Variants in LRRC38 observed in about 807,000 individuals in gnomAD.
LRRC38 encodes the protein leucine rich repeat containing 38.
LRRC38 carries 5 observed loss-of-function variants against 16.4 expected under a neutral mutation model. The observed-to-expected ratio is 0.31, with a 90% confidence interval of 0.16 to 0.64. The LOEUF (loss-of-function observed/expected upper bound fraction) is 0.64. Among genes scored for constraint, LRRC38 ranks in the 30% least tolerant of loss-of-function variants. The pLI is 0.80. For synonymous variants in LRRC38, 191 were observed against 190.2 expected (o/e 1.00, Z -0.04); for missense variants, 341 against 401.8 (o/e 0.85, Z 1.29).
At chr1:13,501,459 G>A (rs141452847) in intron 1 of LRRC38, among the ~76,000 whole-genome samples, 3,182 of 144,856 alleles carry the variant, frequency 0.022, 126 homozygotes, top group African/African-American at 0.082. Context: ...CCCAGGCTGG[G>A]GTGCAGTAGA....
intron 1 of LRRC38, among the ~76,000 whole-genome samples, chr1:13,494,222 C>T (rs1027691421): frequency 6.6e-6 from 1 of 152,110 alleles, no homozygotes; most frequent in Non-Finnish European, 1.5e-5. Context: ...GAGCCGAGCC[C>T]GGGAGCCAGG....
At chr1:13,497,107 T>G (rs1011753809) in intron 1 of LRRC38, among the ~76,000 whole-genome samples, 1 of 151,996 alleles carries the variant, frequency 6.6e-6, no homozygotes, top group African/African-American at 2.4e-5. Context: ...AGAAAGGAAC[T>G]AGGAGGAGGA....
intron 1 of LRRC38, among the ~76,000 whole-genome samples, chr1:13,490,657 C>T (rs1193950041): frequency 6.6e-6 from 1 of 151,990 alleles, no homozygotes; most frequent in African/African-American, 2.4e-5. Flanking sequence ...ACTAGGGATA[C>T]TAACCTGTGT....
intron 1 of LRRC38, among the ~76,000 whole-genome samples, chr1:13,484,262 C>T (rs1638905797): frequency 6.6e-6 from 1 of 152,068 alleles, no homozygotes; most frequent in South Asian, 2.1e-4. Flanking sequence ...TCAAAGCAGC[C>T]GCTCTCCCCA....
chr1:13,478,482 C>T (rs577740667), intron 1 of LRRC38, among the ~76,000 whole-genome samples: 18 of 152,310 alleles, frequency 1.2e-4, no homozygotes, highest in African/African-American at 4.3e-4. Context: ...TAACAAGGTG[C>T]CCTTTTCCCA....
At position 13,481,215 on chromosome 1, in the gene LRRC38, G is replaced by A. The variant is rs530845270; in HGVS notation, c.632-5116C>T. Among the ~76,000 whole-genome samples the A allele has an allele frequency of 5.3e-5, 8 of 152,026 alleles. No individual in the cohort carries two copies. The South Asian group carries it at 1.5e-3, about 28-fold the overall frequency. On this transcript the variant is annotated intron_variant, in intron 1 of 1. Coordinates refer to ENST00000376085, the MANE Select transcript of LRRC38 (RefSeq NM_001010847.2). ...CAACCTCTGCTTCCTGGGTTCAAGC[G>A]ATTCTCCTGCCTCAGCCTTCCAAGT...
At chr1:13,486,705 C>A (rs1432857145) in intron 1 of LRRC38, among the ~76,000 whole-genome samples, 1 of 151,952 alleles carries the variant, frequency 6.6e-6, no homozygotes, top group African/African-American at 2.4e-5. Flanking sequence ...ATCTTCCCAC[C>A]TCAGCCTCTC....
intron 1 of LRRC38, among the ~76,000 whole-genome samples, chr1:13,505,695 C>T (rs563908413): frequency 6.6e-6 from 1 of 152,110 alleles, no homozygotes; most frequent in East Asian, 1.9e-4. Context: ...AAGATGTGAC[C>T]AAGAGTGATG....
At chr1:13,483,324 G>A (rs1360005586) in intron 1 of LRRC38, among the ~76,000 whole-genome samples, 1 of 151,922 alleles carries the variant, frequency 6.6e-6, no homozygotes, top group Non-Finnish European at 1.5e-5. Context: ...GCTAATTTTT[G>A]TATTTTTAGT....
At chr1:13,486,382 T>C (rs439285) in intron 1 of LRRC38, among the ~76,000 whole-genome samples, 15,006 of 152,118 alleles carry the variant, frequency 0.099, 2,498 homozygotes, top group African/African-American at 0.34. Context: ...AAGACCCTTT[T>C]TCCAAATAAG....
Position 13,475,562 on chromosome 1 carries a change from G to T in LRRC38, c.*284C>A. 2.5e-6 allele frequency: 1 copy of T among 397,344 alleles called. No individual in the cohort carries two copies. Among genetic ancestry groups the T allele is most frequent in the Non-Finnish European group, 4.6e-6 (1 of 216,008 alleles). The allele number at this position is 397,344 out of a possible 1,614,324, so 24.6% of individuals were successfully genotyped here. On this transcript the variant is annotated 3_prime_UTR_variant, in exon 2 of 2. Coordinates refer to ENST00000376085, the MANE Select transcript of LRRC38 (RefSeq NM_001010847.2). This position sits in a 1 kb window ranked among gnomAD's most constrained non-coding sequence, Gnocchi z 4.3. The stretch of plus-strand genomic sequence containing the variant: ...GAGGCTTTTAGTCATCAGCTATGAA[G>T]CCTGACTCGGTCATCTTCTCCCCCA...
At chr1:13,494,855 G>C (rs1032930228) in intron 1 of LRRC38, among the ~76,000 whole-genome samples, 3 of 152,244 alleles carry the variant, frequency 2.0e-5, no homozygotes, top group African/African-American at 4.8e-5. Flanking sequence ...CTTCTGGAAT[G>C]TTGGCTCCAG....
intron 1 of LRRC38, among the ~76,000 whole-genome samples, chr1:13,507,933 TA>T (rs199692863): frequency 4.0e-5 from 6 of 150,952 alleles, no homozygotes; most frequent in African/African-American, 7.3e-5. Flanking sequence ...TTCAGGGGTT[TA>T]AAAAAAAAGC....
chr1:13,488,920 AC>A (rs1305723556), intron 1 of LRRC38, among the ~76,000 whole-genome samples: 1 of 152,032 alleles, frequency 6.6e-6, no homozygotes, highest in Admixed American at 6.6e-5. Context: ...CATTTCCACA[AC>A]CTTCAACTTG....
chr1:13,485,461 G>A (rs906575629), intron 1 of LRRC38, among the ~76,000 whole-genome samples: 19 of 152,020 alleles, frequency 1.2e-4, no homozygotes, highest in Admixed American at 9.8e-4. Flanking sequence ...CCATCTATTC[G>A]GGAGGCTGAG....
Position 13,481,775 on chromosome 1 carries a change from CTCTCCCTCTCTCCCT to C in LRRC38, c.632-5691_632-5677del, listed in dbSNP as rs1638870374. ...TCACTTTCTTTCCCTCTCTCTCCCTCTCTCCCTCTCTCCCTCTCTCTCTCTCTCTCTCTCTCTCTC... is the reference window on the plus strand; with the variant it reads ...TCACTTTCTTTCCCTCTCTCTCCCTCCTCTCTCTCTCTCTCTCTCTCTCTC... On this transcript the variant is annotated intron_variant, in intron 1 of 1. Coordinates refer to ENST00000376085, the MANE Select transcript of LRRC38 (RefSeq NM_001010847.2). Among the ~76,000 whole-genome samples the C allele has an allele frequency of 9.7e-5, 3 of 30,932 alleles. 1 individual carries two copies. In the South Asian group the frequency reaches 3.3e-3, roughly 34 times the overall value. 20.3% of individuals were successfully genotyped at this position (30,932 alleles called of 152,430 possible). A position where few individuals can be genotyped will look rare whatever the true frequency, so the allele number is the denominator to read the frequency against.
chr1:13,491,452 G>A (rs879853619), intron 1 of LRRC38, among the ~76,000 whole-genome samples: 11 of 151,890 alleles, frequency 7.2e-5, no homozygotes, highest in Non-Finnish European at 1.2e-4. Context: ...TCAGTCTCCC[G>A]AGTGACTGGG....
intron 1 of LRRC38, among the ~76,000 whole-genome samples, chr1:13,502,313 C>T (rs2100517068): frequency 6.6e-6 from 1 of 152,200 alleles, no homozygotes; most frequent in East Asian, 1.9e-4. Context: ...TCACTATTGA[C>T]ACTAGGCTGT....
intron 1 of LRRC38, among the ~76,000 whole-genome samples, chr1:13,476,524 T>TC (rs1469883720): frequency 6.6e-6 from 1 of 152,178 alleles, no homozygotes; most frequent in African/African-American, 2.4e-5. Flanking sequence ...AGACAGGGTT[T>TC]CACCATGTTG....
Sources: allele counts gnomAD v4.1 joint callset (sites outside exome capture counted in the v4.1 genomes callset), GRCh38; gene constraint gnomAD v4.1.1; non-coding constraint Gnocchi (gnomAD v3.1); transcripts MANE v1.5; gene names NCBI Gene and HGNC (gene_info 2026-07-23, HGNC 2026-07-21).